Variants in SYNPR observed in about 807,000 individuals in gnomAD.
SYNPR encodes synaptoporin.
A neutral mutation model predicts 32.9 loss-of-function variants in SYNPR; 23 were observed. The ratio of observed to expected loss-of-function variants is 0.70; its 90% CI spans 0.50 to 0.99. The LOEUF is 0.99. Among genes scored for constraint, SYNPR ranks in the 50% least tolerant of loss-of-function variants. SYNPR has a pLI of 0.00. For missense variants in SYNPR, 318 were observed against 349.3 expected (o/e 0.91, Z 0.71); for synonymous variants, 146 against 135.9 (o/e 1.07, Z -0.52).
chr3:63,476,630 G>C (rs1700932822), intron 2 of SYNPR, among the ~76,000 whole-genome samples: 1 of 152,050 alleles, frequency 6.6e-6, no homozygotes, highest in Non-Finnish European at 1.5e-5. Flanking sequence ...CCCAACCATA[G>C]AGCTAATTAG....
At chr3:63,248,629 C>G (rs1415456637) in intron 1 of SYNPR, among the ~76,000 whole-genome samples, 2 of 152,122 alleles carry the variant, frequency 1.3e-5, no homozygotes, top group African/African-American at 4.8e-5. Flanking sequence ...GTTCTTTTAG[C>G]TTCTCTTTGT....
intron 2 of SYNPR, among the ~76,000 whole-genome samples, chr3:63,440,658 C>A (rs1479013487): frequency 6.6e-6 from 1 of 152,122 alleles, no homozygotes; most frequent in Admixed American, 6.5e-5. Context: ...AGCCTTAGAA[C>A]CTTATTTAGT....
intron 2 of SYNPR, among the ~76,000 whole-genome samples, chr3:63,321,670 G>A (rs375620936): frequency 1.8e-4 from 28 of 152,142 alleles, no homozygotes; most frequent in African/African-American, 3.9e-4. Flanking sequence ...ATATCACATA[G>A]AGACACAGAT....
chr3:63,341,722 C>A (rs1360160178), intron 2 of SYNPR, among the ~76,000 whole-genome samples: 1 of 152,076 alleles, frequency 6.6e-6, no homozygotes, highest in African/African-American at 2.4e-5. Context: ...TCTAAGAGTT[C>A]TTTATGTATC....
upstream of SYNPR, among the ~76,000 whole-genome samples, chr3:63,226,404 A>G (rs1316727174): frequency 6.6e-6 from 1 of 152,228 alleles, no homozygotes; most frequent in Non-Finnish European, 1.5e-5. Flanking sequence ...CGGCACTTGC[A>G]TGTTTATTGC....
chr3:63,314,007 A>AGT (rs2087011763), intron 2 of SYNPR, among the ~76,000 whole-genome samples: 1 of 3,328 alleles, frequency 3.0e-4, no homozygotes, highest in African/African-American at 1.1e-3. Flanking sequence ...ATATATATCC[A>AGT]TATATATATA....
chr3:63,509,297 T>C (rs1701649090), intron 3 of SYNPR, among the ~76,000 whole-genome samples: 1 of 150,260 alleles, frequency 6.7e-6, no homozygotes. Context: ...TGTATATATA[T>C]ATACACACAC....
chr3:63,340,445 A>G (rs1231629710), intron 2 of SYNPR, among the ~76,000 whole-genome samples: 3 of 118,518 alleles, frequency 2.5e-5, no homozygotes, highest in African/African-American at 9.6e-5. Context: ...TTTGAGACGG[A>G]GTCTCACTCT....
chr3:63,469,544 ACT>A (rs1452531460), intron 2 of SYNPR, among the ~76,000 whole-genome samples: 2 of 152,016 alleles, frequency 1.3e-5, no homozygotes, highest in African/African-American at 2.4e-5. Flanking sequence ...AATTCAGAAG[ACT>A]CTCTCTAATC....
chr3:63,517,533 C>T (rs1163863621), intron 3 of SYNPR, among the ~76,000 whole-genome samples: 2 of 152,070 alleles, frequency 1.3e-5, no homozygotes, highest in Non-Finnish European at 2.9e-5. Context: ...CATGCAGAAT[C>T]CAGAATTACT....
chr3:63,374,707 T>C (rs757887358), intron 2 of SYNPR, among the ~76,000 whole-genome samples: 43 of 152,348 alleles, frequency 2.8e-4, no homozygotes, highest in Middle Eastern at 3.4e-3. Flanking sequence ...TTGGATATAG[T>C]TTTTGAAAAT....
intron 2 of SYNPR, among the ~76,000 whole-genome samples, chr3:63,415,776 A>G (rs1247489040): frequency 2.0e-5 from 3 of 152,220 alleles, no homozygotes; most frequent in African/African-American, 7.2e-5. Context: ...ATTGTAATAA[A>G]TATTTAGATC....
intron 1 of SYNPR, among the ~76,000 whole-genome samples, chr3:63,231,928 C>T (rs1487094488): frequency 1.3e-5 from 2 of 152,134 alleles, no homozygotes; most frequent in Non-Finnish European, 2.9e-5. Flanking sequence ...TCAGTGAACC[C>T]CGCTGTTGTT....
chr3:63,321,466 G>A (rs1015411620), intron 2 of SYNPR, among the ~76,000 whole-genome samples: 1 of 151,952 alleles, frequency 6.6e-6, no homozygotes, highest in Non-Finnish European at 1.5e-5. Flanking sequence ...TTATTATGCG[G>A]GTTATGAAAG....
intron 2 of SYNPR, among the ~76,000 whole-genome samples, chr3:63,332,448 T>C (rs1035752772): frequency 6.6e-6 from 1 of 152,204 alleles, no homozygotes; most frequent in Non-Finnish European, 1.5e-5. Context: ...CCAAAATATA[T>C]CTGCCCTATC....
At chr3:63,253,141 T>G (rs1159332364) in intron 2 of SYNPR, among the ~76,000 whole-genome samples, 1 of 152,156 alleles carries the variant, frequency 6.6e-6, no homozygotes, top group Non-Finnish European at 1.5e-5. Flanking sequence ...TTTTAGAGTT[T>G]ATGGCACATT....
At chr3:63,434,950 A>T (rs564998589) in intron 2 of SYNPR, among the ~76,000 whole-genome samples, 1 of 152,350 alleles carries the variant, frequency 6.6e-6, no homozygotes, top group African/African-American at 2.4e-5. Context: ...CGGCAGAAAG[A>T]GTGAATCTAC....
At chr3:63,598,627 C>T (rs1235320714) in intron 4 of SYNPR, among the ~76,000 whole-genome samples, 4 of 152,216 alleles carry the variant, frequency 2.6e-5, no homozygotes, top group Admixed American at 6.5e-5. Flanking sequence ...TACTCCTGGC[C>T]GCAGTTTCTT....
At chr3:63,489,687 CA>C in intron 3 of SYNPR, among the ~76,000 whole-genome samples, 1 of 152,108 alleles carries the variant, frequency 6.6e-6, no homozygotes, top group East Asian at 1.9e-4. Context: ...GGGAGAAAGA[CA>C]AAGAAGTGAG....
Sources: allele counts gnomAD v4.1 joint callset (sites outside exome capture counted in the v4.1 genomes callset), GRCh38; gene constraint gnomAD v4.1.1; transcripts MANE v1.5; gene names NCBI Gene and HGNC (gene_info 2026-07-23, HGNC 2026-07-21).